The following CTNNA3 variants were observed in gnomAD, a reference collection of about 807,000 sequenced individuals.
The protein encoded by CTNNA3 is catenin alpha-3.
CTNNA3 carries 76 observed loss-of-function variants against 95.7 expected under a neutral mutation model. The ratio of observed to expected loss-of-function variants is 0.79; its 90% CI spans 0.66 to 0.96. The LOEUF (loss-of-function observed/expected upper bound fraction) is 0.96. Among genes scored for constraint, CTNNA3 ranks in the 40% least tolerant of loss-of-function variants. CTNNA3 has a pLI of 0.00. For synonymous variants in CTNNA3, 431 were observed against 374.4 expected, an observed-to-expected ratio of 1.15 and a Z score of -1.74; for missense variants, 1,191 against 1,089.8, an observed-to-expected ratio of 1.09 and a Z score of -1.31.
intron 7 of CTNNA3, among the ~76,000 whole-genome samples, chr10:66,922,500 T>A (rs923968821): frequency 6.6e-6 from 1 of 152,182 alleles, no homozygotes; most frequent in Non-Finnish European, 1.5e-5. Flanking sequence ...TTATTTTGTT[T>A]TGGATTTCTC....
chr10:67,056,036 A>G (rs1465519774), intron 7 of CTNNA3, among the ~76,000 whole-genome samples: 2 of 152,064 alleles, frequency 1.3e-5, no homozygotes, highest in South Asian at 2.1e-4. Flanking sequence ...TGTATATTAT[A>G]TTGTTGAGGT....
chr10:67,247,460 G>A (rs939242043), intron 5 of CTNNA3, among the ~76,000 whole-genome samples: 1 of 152,096 alleles, frequency 6.6e-6, no homozygotes, highest in Non-Finnish European at 1.5e-5. Context: ...AGAAATACAA[G>A]ATGAGTATAT....
At chr10:67,400,805 GC>G (rs1467130654) in intron 5 of CTNNA3, among the ~76,000 whole-genome samples, 2 of 152,180 alleles carry the variant, frequency 1.3e-5, no homozygotes, top group East Asian at 3.9e-4. Flanking sequence ...ATTGGACTTT[GC>G]TTCTAATACA....
intron 7 of CTNNA3, among the ~76,000 whole-genome samples, chr10:66,828,854 C>T (rs901540744): frequency 1.3e-5 from 2 of 152,190 alleles, no homozygotes; most frequent in East Asian, 1.9e-4. Flanking sequence ...AGCCCCCATA[C>T]AGGTCAGACA....
intron 14 of CTNNA3, among the ~76,000 whole-genome samples, chr10:66,087,275 T>C (rs2081019765): frequency 6.6e-6 from 1 of 152,112 alleles, no homozygotes; most frequent in African/African-American, 2.4e-5. Flanking sequence ...CCCCTTTCTC[T>C]GCATGAGGAA....
At chr10:67,302,498 G>A (rs1840369833) in intron 5 of CTNNA3, among the ~76,000 whole-genome samples, 3 of 152,138 alleles carry the variant, frequency 2.0e-5, no homozygotes, top group Admixed American at 2.0e-4. Context: ...ATTCTGCAAT[G>A]TATACATATT....
At chr10:65,965,557 A>C (rs1226861213) in intron 17 of CTNNA3, among the ~76,000 whole-genome samples, 1 of 151,898 alleles carries the variant, frequency 6.6e-6, no homozygotes, top group Non-Finnish European at 1.5e-5. Context: ...GGCATGCGCC[A>C]CCACACCCAG....
At chr10:66,176,634 AT>A (rs1257382997) in intron 13 of CTNNA3, among the ~76,000 whole-genome samples, 16 of 152,030 alleles carry the variant, frequency 1.1e-4, no homozygotes, top group Admixed American at 9.9e-4. Context: ...TTGAGAGTTG[AT>A]TAGGTCATGA....
chr10:67,397,328 C>T (rs1312771037), intron 5 of CTNNA3, among the ~76,000 whole-genome samples: 4 of 152,104 alleles, frequency 2.6e-5, no homozygotes, highest in African/African-American at 9.7e-5. Context: ...CTGAGGTGAT[C>T]TCAGATGGAG....
intron 13 of CTNNA3, among the ~76,000 whole-genome samples, chr10:66,110,917 A>C (rs2082098928): frequency 6.6e-6 from 1 of 152,198 alleles, no homozygotes; most frequent in East Asian, 1.9e-4. Flanking sequence ...ACAAACCTGT[A>C]TGGCATGTTA....
chr10:66,717,534 A>G (rs774438927), intron 9 of CTNNA3, among the ~76,000 whole-genome samples: 7 of 152,154 alleles, frequency 4.6e-5, no homozygotes, highest in Non-Finnish European at 8.8e-5. Flanking sequence ...CATGTCTGTC[A>G]AAGGTTAGAG....
At chr10:67,464,752 A>T (rs534426198) in intron 5 of CTNNA3, among the ~76,000 whole-genome samples, 1 of 152,168 alleles carries the variant, frequency 6.6e-6, no homozygotes, top group Non-Finnish European at 1.5e-5. Context: ...CCCAAGAAAG[A>T]ACCCAGGGAA....
intron 5 of CTNNA3, among the ~76,000 whole-genome samples, chr10:67,314,574 G>C (rs183691415): frequency 6.6e-6 from 1 of 152,120 alleles, no homozygotes. Context: ...AACCTGCTCT[G>C]AAGTCTTATT....
chr10:67,734,168 C>T (rs1841290512), intron 1 of CTNNA3, among the ~76,000 whole-genome samples: 2 of 152,128 alleles, frequency 1.3e-5, no homozygotes, highest in South Asian at 4.1e-4. Context: ...ACAAAATTAC[C>T]ATAACTTCTG....
chr10:66,218,531 A>G (rs1336275051), intron 13 of CTNNA3, among the ~76,000 whole-genome samples: 1 of 152,178 alleles, frequency 6.6e-6, no homozygotes, highest in African/African-American at 2.4e-5. Context: ...CTTGAAAGTG[A>G]ATCGTTCAGC....
chr10:66,456,923 A>T (rs2131837968), intron 11 of CTNNA3, among the ~76,000 whole-genome samples: 1 of 152,072 alleles, frequency 6.6e-6, no homozygotes, highest in South Asian at 2.1e-4. Flanking sequence ...GTGAAAACCC[A>T]TCTCTACAAA....
chr10:67,591,036 T>C (rs1431012649), intron 3 of CTNNA3, among the ~76,000 whole-genome samples: 2 of 152,170 alleles, frequency 1.3e-5, no homozygotes, highest in African/African-American at 4.8e-5. Flanking sequence ...TTTTGACATT[T>C]AGATCCTAAG....
At position 67,507,295 on chromosome 10, in the gene CTNNA3, C is replaced by T. The variant is rs566009946; in HGVS notation, c.579+14547G>A. Among the ~76,000 whole-genome samples the T allele has an allele frequency of 1.2e-3, 186 of 151,868 alleles. 1 individual carries two copies. The highest frequency in any genetic ancestry group is 4.2e-3 in the African/African-American group (176 of 41,414). On this transcript the variant is annotated intron_variant, in intron 5 of 17. Transcript: ENST00000433211. Reference sequence around the variant, plus strand: ...CTGTAATCCCAGCACTTTGGGAGGCCGAGGCAGGTGGATCACGACGTCAGC... The same window carrying T: ...CTGTAATCCCAGCACTTTGGGAGGCTGAGGCAGGTGGATCACGACGTCAGC...
intron 12 of CTNNA3, among the ~76,000 whole-genome samples, chr10:66,373,619 A>G (rs921542371): frequency 4.6e-5 from 7 of 151,074 alleles, no homozygotes; most frequent in Non-Finnish European, 1.5e-5. Flanking sequence ...AAAAAGAGTT[A>G]TATTAACGTC....
Sources: allele counts gnomAD v4.1 joint callset (sites outside exome capture counted in the v4.1 genomes callset), GRCh38; gene constraint gnomAD v4.1.1; transcripts MANE v1.5; gene names NCBI Gene and HGNC (gene_info 2026-07-23, HGNC 2026-07-21).